Variants in SPOCK1 observed in about 807,000 individuals in gnomAD.
SPOCK1 encodes SPARC (osteonectin), cwcv and kazal like domains proteoglycan 1, also known as testican-1.
Under a neutral mutation model 55.3 loss-of-function variants are expected in SPOCK1, and 23 were observed. The observed-to-expected ratio is 0.42, with a 90% CI of 0.30 to 0.59. The LOEUF is 0.59. Ranked by LOEUF, SPOCK1 falls within the 20% of genes least tolerant of loss-of-function variation. The pLI is 0.22. For missense variants in SPOCK1, 499 were observed against 552.5 expected (o/e 0.90, Z 0.97); for synonymous variants, 226 against 221.0 (o/e 1.02, Z -0.20).
At chr5:137,314,193 T>G (rs1757837235) in intron 2 of SPOCK1, among the ~76,000 whole-genome samples, 1 of 151,936 alleles carries the variant, frequency 6.6e-6, no homozygotes, top group Non-Finnish European at 1.5e-5. Flanking sequence ...CTCATTTCCT[T>G]TTCTTGGCTC....
At chr5:137,458,704 A>G (rs539937833) in intron 2 of SPOCK1, among the ~76,000 whole-genome samples, 91 of 152,334 alleles carry the variant, frequency 6.0e-4, no homozygotes, top group African/African-American at 2.1e-3. Flanking sequence ...GCAAGAAAAC[A>G]TCTAACATTC....
intron 2 of SPOCK1, among the ~76,000 whole-genome samples, chr5:137,362,004 G>T (rs567588954): frequency 1.3e-5 from 2 of 152,304 alleles, no homozygotes; most frequent in Admixed American, 1.3e-4. Flanking sequence ...AAGGCGAGCT[G>T]TTCAGAGATG....
intron 2 of SPOCK1, among the ~76,000 whole-genome samples, chr5:137,460,540 C>T (rs1450964749): frequency 6.6e-6 from 1 of 152,192 alleles, no homozygotes; most frequent in African/African-American, 2.4e-5. Context: ...CCAGCAGATG[C>T]AGGCCAGGCT....
intron 2 of SPOCK1, among the ~76,000 whole-genome samples, chr5:137,482,312 G>A (rs988813232): frequency 1.3e-5 from 2 of 152,204 alleles, no homozygotes; most frequent in African/African-American, 4.8e-5. Flanking sequence ...TGGACTTGAT[G>A]TAGACTCACA....
At chr5:137,300,014 C>T (rs143849046) in intron 2 of SPOCK1, among the ~76,000 whole-genome samples, 5 of 152,292 alleles carry the variant, frequency 3.3e-5, no homozygotes, top group Non-Finnish European at 5.9e-5. Flanking sequence ...TCTTCTTTCT[C>T]TGGGATTCCT....
At chr5:137,165,691 A>G (rs1430989017) in intron 3 of SPOCK1, among the ~76,000 whole-genome samples, 1 of 152,200 alleles carries the variant, frequency 6.6e-6, no homozygotes, top group Non-Finnish European at 1.5e-5. Flanking sequence ...TCAGAATTCT[A>G]TCTGATAAAT....
At chr5:137,096,302 GA>G (rs11405639) in intron 5 of SPOCK1, among the ~76,000 whole-genome samples, 108 of 143,796 alleles carry the variant, frequency 7.5e-4, no homozygotes, top group African/African-American at 1.4e-3. Context: ...AGACAAAAAA[GA>G]AAAAAAAAAA....
At chr5:137,255,530 G>GT (rs1330208587) in intron 3 of SPOCK1, among the ~76,000 whole-genome samples, 4 of 152,126 alleles carry the variant, frequency 2.6e-5, no homozygotes, top group African/African-American at 4.8e-5. Flanking sequence ...CCTACAAGTT[G>GT]TTTTTTGGTG....
chr5:137,092,238 A>C (rs4976407), intron 5 of SPOCK1, among the ~76,000 whole-genome samples: 62,173 of 152,106 alleles, frequency 0.41, 12,898 homozygotes, highest in Admixed American at 0.48. Context: ...CAAATACAAA[A>C]TTAATCTATA....
intron 6 of SPOCK1, among the ~76,000 whole-genome samples, chr5:137,005,581 G>A (rs1458017724): frequency 6.6e-6 from 1 of 152,070 alleles, no homozygotes; most frequent in African/African-American, 2.4e-5. Context: ...ATGAGGAAAT[G>A]GTATGGAAGC....
intron 6 of SPOCK1, among the ~76,000 whole-genome samples, chr5:137,052,548 A>G (rs1250451682): frequency 6.6e-6 from 1 of 152,192 alleles, no homozygotes; most frequent in Admixed American, 6.5e-5. Flanking sequence ...TCCTATGAAA[A>G]TAATTAAGGT....
At chr5:137,147,608 G>A (rs1010853258) in intron 3 of SPOCK1, among the ~76,000 whole-genome samples, 6 of 152,140 alleles carry the variant, frequency 3.9e-5, no homozygotes, top group Non-Finnish European at 7.4e-5. Flanking sequence ...CCTCTCTCGT[G>A]TCTCTTCTTA....
At chr5:137,007,983 T>C (rs1205539000) in intron 6 of SPOCK1, among the ~76,000 whole-genome samples, 1 of 152,004 alleles carries the variant, frequency 6.6e-6, no homozygotes, top group African/African-American at 2.4e-5. Flanking sequence ...GTTCACGTCC[T>C]TTGCAGGGAC....
chr5:137,005,561 T>C (rs567855041), intron 6 of SPOCK1, among the ~76,000 whole-genome samples: 220 of 151,822 alleles, frequency 1.4e-3, no homozygotes, highest in Non-Finnish European at 2.8e-3. Context: ...AGGGGAGAGA[T>C]AAGGAGTCAA....
chr5:136,998,607 A>G (rs1480095839), intron 6 of SPOCK1, among the ~76,000 whole-genome samples: 2 of 152,196 alleles, frequency 1.3e-5, no homozygotes, highest in Admixed American at 1.3e-4. Flanking sequence ...AAAAATCAAA[A>G]TATCAGGCCT....
intron 9 of SPOCK1, 136 bp downstream of exon 9, chr5:136,985,004 C>T (rs995877481): frequency 2.5e-5 from 22 of 882,508 alleles, no homozygotes; most frequent in Non-Finnish European, 3.7e-5. Context: ...TGGAAGAGCT[C>T]TGCCTGGGGT....
At chr5:137,039,098 T>A (rs1408236946) in intron 6 of SPOCK1, among the ~76,000 whole-genome samples, 1 of 152,140 alleles carries the variant, frequency 6.6e-6, no homozygotes, top group Non-Finnish European at 1.5e-5. Context: ...TGCTTTATTT[T>A]GATCATTTCA....
intron 2 of SPOCK1, among the ~76,000 whole-genome samples, chr5:137,283,989 AT>A (rs952201545): frequency 6.6e-6 from 1 of 152,184 alleles, no homozygotes; most frequent in African/African-American, 2.4e-5. Flanking sequence ...AAGCAAATGA[AT>A]GTTTACTGAA....
At chr5:137,115,507 T>G (rs1241185378) in intron 4 of SPOCK1, among the ~76,000 whole-genome samples, 1 of 152,202 alleles carries the variant, frequency 6.6e-6, no homozygotes, top group Admixed American at 6.5e-5. Context: ...TCTGAAACAT[T>G]GTTCCTGGCT....
Sources: gnomAD v4.1 joint callset for allele counts (sites outside exome capture counted in the v4.1 genomes callset) on GRCh38, gnomAD v4.1.1 for gene constraint, MANE v1.5 for transcripts, NCBI Gene and HGNC (gene_info 2026-07-23, HGNC 2026-07-21) for gene names.